Variants in TSPEAR observed in about 807,000 individuals in gnomAD.
TSPEAR encodes the protein thrombospondin type laminin G domain and EAR repeats, also known as thrombospondin-type laminin G domain and EAR repeat-containing protein.
In TSPEAR, 69 loss-of-function variants were observed where a neutral mutation model predicts 71.6. The observed-to-expected ratio is 0.96, with a 90% confidence interval of 0.79 to 1.18. The LOEUF is 1.18. TSPEAR is among the 50% of genes most tolerant of loss of function. TSPEAR has a pLI of 0.00. For synonymous variants in TSPEAR, 402 were observed against 387.2 expected (o/e 1.04, Z -0.45); for missense variants, 971 against 894.9 (o/e 1.09, Z -1.09).
chr21:44,612,172 G>A lies in TSPEAR; in HGVS notation c.83-44167C>T, dbSNP rs1555931100. 5 of 1,613,900 alleles carry A rather than the reference G, an allele frequency of 3.1e-6. No homozygotes were observed. The highest frequency in any genetic ancestry group is 4.2e-6 in the Non-Finnish European group (5 of 1,180,002). ...CCATGTCTGTCTGCTCCAGTGACGT[G>A]GGCCATGTCAGCCGAGTCTCCTCCC... On this transcript the variant is annotated intron_variant, in intron 1 of 11. Transcript: ENST00000323084. This position sits in a 1 kb window ranked among gnomAD's most constrained non-coding sequence, Gnocchi z 4.1.
At chr21:44,550,323 C>T (rs1172947390) in intron 2 of TSPEAR, 10 of 332,552 alleles carry the variant, frequency 3.0e-5, no homozygotes, top group Non-Finnish European at 5.2e-5. Context: ...TGCCCCCTCC[C>T]GCCCTGGGTG....
chr21:44,648,759 G>A (rs1374673788), intron 1 of TSPEAR, among the ~76,000 whole-genome samples: 1 of 152,150 alleles, frequency 6.6e-6, no homozygotes, highest in East Asian at 1.9e-4. Flanking sequence ...GGAAAGGCAG[G>A]GACAGCCATG....
chr21:44,530,410 T>C (rs2145980529), intron 4 of TSPEAR, among the ~76,000 whole-genome samples: 1 of 150,536 alleles, frequency 6.6e-6, no homozygotes, highest in Non-Finnish European at 1.5e-5. Flanking sequence ...CATCCACCCA[T>C]CCATTCATCC....
chr21:44,502,941 C>CAGG (rs1555911270), intron 11 of TSPEAR, among the ~76,000 whole-genome samples: 1 of 52,474 alleles, frequency 1.9e-5, no homozygotes, highest in Non-Finnish European at 4.4e-5. Flanking sequence ...AGTGAGCCCT[C>CAGG]GGGGAAGCAA....
chr21:44,512,465 CCACT>C (rs777488375), intron 9 of TSPEAR, among the ~76,000 whole-genome samples: 194 of 152,204 alleles, frequency 1.3e-3, no homozygotes, highest in Non-Finnish European at 2.3e-3. Flanking sequence ...CTTTGGGAGA[CCACT>C]CAGAGAACCT....
chr21:44,690,152 T>C (rs1987066842), intron 1 of TSPEAR, among the ~76,000 whole-genome samples: 1 of 152,096 alleles, frequency 6.6e-6, no homozygotes. Flanking sequence ...CGCTCTGATT[T>C]GGAACAAAAC....
chr21:44,592,783 T>C (rs587702118), intron 1 of TSPEAR, among the ~76,000 whole-genome samples: 1 of 152,242 alleles, frequency 6.6e-6, no homozygotes, highest in African/African-American at 2.4e-5. Flanking sequence ...CGCGGCATCG[T>C]CCACCCCTGG....
intron 1 of TSPEAR, among the ~76,000 whole-genome samples, chr21:44,614,206 C>T (rs868975415): frequency 2.0e-5 from 3 of 152,348 alleles, no homozygotes; most frequent in Middle Eastern, 6.8e-3. Flanking sequence ...GTGACGCCAG[C>T]GTCACTCTCC....
intron 2 of TSPEAR, among the ~76,000 whole-genome samples, chr21:44,551,958 G>A (rs1291544887): frequency 6.6e-5 from 10 of 152,336 alleles, no homozygotes; most frequent in Admixed American, 3.3e-4. Flanking sequence ...TGAGGACAGC[G>A]CTTCCTGGCG....
Position 44,525,641 on chromosome 21 carries a change from C to T in TSPEAR, c.1336+12G>A, listed in dbSNP as rs782667758. The T allele has an allele frequency of 6.2e-7, 1 of 1,613,512 alleles. No homozygotes were observed. The highest frequency in any genetic ancestry group is 8.5e-7 in the Non-Finnish European group (1 of 1,179,606). On this transcript the variant is annotated intron_variant, in intron 8 of 11. Coordinates refer to ENST00000323084, the MANE Select transcript of TSPEAR (RefSeq NM_144991.3). ...TGGTTGCCTCCCGGTGTGAAGGCCA[C>T]TCCTGCCCTACCTTCCCGGTGGTTG...
intron 2 of TSPEAR, chr21:44,539,765 G>A: frequency 6.2e-7 from 1 of 1,612,570 alleles, no homozygotes; most frequent in Non-Finnish European, 8.5e-7. Context: ...ACAGCAAGTT[G>A]GCTGGCAGCT....
chr21:44,643,805 C>A (rs980939040), intron 1 of TSPEAR, among the ~76,000 whole-genome samples: 3 of 152,162 alleles, frequency 2.0e-5, no homozygotes, highest in East Asian at 1.9e-4. Flanking sequence ...ACTGCATGCA[C>A]GAGACCAAGG....
At chr21:44,559,391 C>A (rs782777595) in intron 2 of TSPEAR, among the ~76,000 whole-genome samples, 1 of 152,194 alleles carries the variant, frequency 6.6e-6, no homozygotes, top group Non-Finnish European at 1.5e-5. Context: ...AGCAGGGAGG[C>A]AGCTGCAGGC....
intron 2 of TSPEAR, chr21:44,538,853 G>A (rs2053144340): frequency 8.2e-6 from 2 of 243,364 alleles, no homozygotes; most frequent in African/African-American, 2.2e-5. Flanking sequence ...TGACCCCCTG[G>A]AGGAGTTAGG....
At position 44,569,627 on chromosome 21, in the gene TSPEAR, G is replaced by T. The variant is rs587653200; in HGVS notation, c.83-1622C>A. ...AAGTGTGGCCTGCTTTAGGACAGGA[G>T]AATGTATTATTATTGTTACTATTTA... is the stretch of plus-strand genomic sequence containing the variant. On this transcript the variant is annotated intron_variant, in intron 1 of 11. Transcript: ENST00000323084. Among the ~76,000 whole-genome samples, 14 of 152,310 alleles carry T rather than the reference G, an allele frequency of 9.2e-5. No individual in the cohort carries two copies. In the South Asian group the frequency reaches 1.4e-3, roughly 16 times the overall value.
chr21:44,614,245 C>T (rs924821605), intron 1 of TSPEAR, among the ~76,000 whole-genome samples: 6 of 152,260 alleles, frequency 3.9e-5, no homozygotes, highest in African/African-American at 1.2e-4. Context: ...GCACAGCACA[C>T]GGTCTGAGCT....
intron 1 of TSPEAR, chr21:44,666,802 A>G (rs7276859): frequency 0.52 from 835,627 of 1,613,280 alleles, 218,672 homozygotes; most frequent in African/African-American, 0.7. Flanking sequence ...GCCTGGCAGG[A>G]GCTGGGCACA....
At chr21:44,501,135 C>A (rs782281952) in intron 11 of TSPEAR, among the ~76,000 whole-genome samples, 1 of 152,240 alleles carries the variant, frequency 6.6e-6, no homozygotes, top group African/African-American at 2.4e-5. Context: ...TAAAACCCAT[C>A]CTTTTCTCAT....
intron 1 of TSPEAR, among the ~76,000 whole-genome samples, chr21:44,569,023 C>T (rs9983521): frequency 0.25 from 38,008 of 152,066 alleles, 5,331 homozygotes; most frequent in East Asian, 0.41. Flanking sequence ...CCTTCCTCCC[C>T]CGCCTGCCTG....
Sources: gnomAD v4.1 joint callset for allele counts (sites outside exome capture counted in the v4.1 genomes callset) on GRCh38, gnomAD v4.1.1 for gene constraint, Gnocchi (gnomAD v3.1) non-coding constraint, MANE v1.5 for transcripts, NCBI Gene and HGNC (gene_info 2026-07-23, HGNC 2026-07-21) for gene names.